RAB36: variants seen among roughly 807,000 people sequenced by gnomAD.
RAB36 encodes RAB36, member RAS oncogene family.
In RAB36, 33 loss-of-function variants were observed where a neutral mutation model predicts 39.3. The ratio of observed to expected loss-of-function variants is 0.84; its 90% CI spans 0.64 to 1.12. The LOEUF is 1.12. Ranked by LOEUF, RAB36 falls within the 50% of genes most tolerant of loss-of-function variation. The probability of loss-of-function intolerance (pLI) is 0.00; values close to 1 mark genes in which losing one functional copy is unlikely to be tolerated. For synonymous variants in RAB36, 133 were observed against 140.2 expected, an observed-to-expected ratio of 0.95 and a Z score of 0.36; for missense variants, 308 against 355.3, an observed-to-expected ratio of 0.87 and a Z score of 1.07.
chr22:23,151,150 T>C (rs1431851616), intron 3 of RAB36, among the ~76,000 whole-genome samples: 1 of 152,178 alleles, frequency 6.6e-6, no homozygotes, highest in Non-Finnish European at 1.5e-5. Flanking sequence ...GTTCCCAAAC[T>C]GCACAGAGTG....
intron 6 of RAB36, among the ~76,000 whole-genome samples, chr22:23,157,344 G>T (rs117404768): frequency 1.3e-5 from 2 of 151,416 alleles, no homozygotes; most frequent in Non-Finnish European, 2.9e-5. Context: ...TCCGCCTCCC[G>T]CATTCACAAC....
At chr22:23,167,988 A>G (rs369807828), downstream of RAB36, among the ~76,000 whole-genome samples, 263 of 152,214 alleles carry the variant, frequency 1.7e-3, 2 homozygotes, top group African/African-American at 6.1e-3. Context: ...TTGGGACTAC[A>G]GGAATGAGCC....
At chr22:23,148,860 T>C (rs917827310) in intron 2 of RAB36, among the ~76,000 whole-genome samples, 3 of 152,226 alleles carry the variant, frequency 2.0e-5, no homozygotes, top group African/African-American at 7.2e-5. Flanking sequence ...AGCCAGCTTG[T>C]TCATGGTAGC....
rs374564140 is a variant in RAB36, at chr22:23,161,017, G to A, written c.739+19G>A. The A allele has an allele frequency of 4.3e-5, 69 of 1,586,344 alleles. No individual in the cohort carries two copies. The African/African-American group carries it at 8.6e-4, about 20-fold the overall frequency. On this transcript the variant is annotated intron_variant, in intron 10 of 10. Coordinates refer to ENST00000263116, the MANE Select transcript of RAB36 (RefSeq NM_004914.5). ...CTAATCCGTGAGTATAGGTGTGACT[G>A]GGTTGGGCTGGGGAGTAGGCTGGAG...
At chr22:23,149,459 T>C in intron 2 of RAB36, among the ~76,000 whole-genome samples, 1 of 152,118 alleles carries the variant, frequency 6.6e-6, no homozygotes, top group East Asian at 1.9e-4. Flanking sequence ...CCAAGAAACG[T>C]GGACAGCAGA....
chr22:23,146,740 TC>T, intron 2 of RAB36, 55 bp downstream of exon 2: 1 of 1,599,980 alleles, frequency 6.3e-7, no homozygotes. Flanking sequence ...ACATCAGCTC[TC>T]CCCACTCTAC....
chr22:23,161,889 A>C lies in RAB36; in HGVS notation c.*325A>C. The C allele has an allele frequency of 2.8e-6, 1 of 351,390 alleles. No homozygotes were observed. Among genetic ancestry groups the C allele is most frequent in the East Asian group, 6.8e-5 (1 of 14,636 alleles). 21.8% of individuals were successfully genotyped at this position (351,390 alleles called of 1,614,324 possible). A position where few individuals can be genotyped will look rare whatever the true frequency, so the allele number is the denominator to read the frequency against. On this transcript the variant is annotated 3_prime_UTR_variant, in exon 11 of 11. Coordinates refer to ENST00000263116, the MANE Select transcript of RAB36 (RefSeq NM_004914.5). ...CACCTTTGGCCTCAAGAGGCCTCAGAACTGCAAACTCCTGCGTCGGTCTAT... is the reference window on the plus strand; with the variant it reads ...CACCTTTGGCCTCAAGAGGCCTCAGCACTGCAAACTCCTGCGTCGGTCTAT...
At position 23,150,275 on chromosome 22, in the gene RAB36, G is replaced by GAGC. The variant is rs2071034049; in HGVS notation, c.161+122_161+123insGCA. On this transcript the variant is annotated intron_variant, in intron 3 of 10. Transcript: ENST00000263116. Reference sequence around the variant, plus strand: ...GGCTGGTGCAGCCCTGTACAGGCCTGAAGATGACTGGGGTTTTCTTTTTTT... The same window carrying GAGC: ...GGCTGGTGCAGCCCTGTACAGGCCTGAGCAAGATGACTGGGGTTTTCTTTTTTT... The GAGC allele has an allele frequency of 5.6e-6, 4 of 718,730 alleles. No individual in the cohort carries two copies. In the South Asian group the frequency reaches 6.6e-5, roughly 12 times the overall value. 44.5% of individuals were successfully genotyped at this position (718,730 alleles called of 1,614,324 possible).
At chr22:23,168,399 T>C (rs183327633), downstream of RAB36, among the ~76,000 whole-genome samples, 1 of 152,020 alleles carries the variant, frequency 6.6e-6, no homozygotes, top group East Asian at 1.9e-4. Flanking sequence ...TGTGGGGGGT[T>C]TCAGAGGAAG....
rs1389937632 is a variant in RAB36 at position 23,156,052 on chromosome 22, G to A, written c.394+20G>A. 1.7e-5 allele frequency: 28 copies of A among 1,604,766 alleles called. No homozygotes were observed. Among genetic ancestry groups the A allele is most frequent in the East Asian group, 4.5e-5 (2 of 44,222 alleles). ...CCCAGGGTGAGCAACATGCCACGTCGGGGCTCAACTGCATGCAGCAGCGGG... is the reference window on the plus strand; with the variant it reads ...CCCAGGGTGAGCAACATGCCACGTCAGGGCTCAACTGCATGCAGCAGCGGG... On this transcript the variant is annotated intron_variant, in intron 6 of 10. Coordinates refer to ENST00000263116, the MANE Select transcript of RAB36 (RefSeq NM_004914.5).
rs2071854198 is a variant in RAB36 at position 23,162,308 on chromosome 22, A to C, written c.*744A>C. The C allele has an allele frequency of 7.1e-6, 2 of 280,326 alleles. No individual in the cohort carries two copies. Among genetic ancestry groups the C allele is most frequent in the Non-Finnish European group, 1.4e-5 (2 of 140,664 alleles). The allele number at this position is 280,326 out of a possible 1,614,324, so 17.4% of individuals were successfully genotyped here. On this transcript the variant is annotated 3_prime_UTR_variant, in exon 11 of 11. Transcript: ENST00000263116. ...ACAACCACTCAGGCCTTTCTGGCCC[A>C]CCTGGACAGTGCATTTACCTGTGTG...
upstream of RAB36, chr22:23,145,420 C>A: frequency 6.2e-7 from 1 of 1,610,608 alleles, no homozygotes; most frequent in Non-Finnish European, 8.5e-7. Flanking sequence ...CAGTCCAACG[C>A]AGACCCCGCC....
rs547852373 is a variant in RAB36, at chr22:23,161,605, C to T, written c.*41C>T. 3.0e-5 allele frequency: 45 copies of T among 1,505,288 alleles called. No homozygotes were observed. The highest frequency in any genetic ancestry group is 1.3e-4 in the South Asian group (11 of 85,548). The allele number at this position is 1,505,288 out of a possible 1,614,324, so 93.2% of individuals were successfully genotyped here. On this transcript the variant is annotated 3_prime_UTR_variant, in exon 11 of 11. Transcript: ENST00000263116. ...AAGGCCTCCGCTCCCTGCACACACACGGACAGGAATTTCCGTGACTGTGGT... is the reference window on the plus strand; with the variant it reads ...AAGGCCTCCGCTCCCTGCACACACATGGACAGGAATTTCCGTGACTGTGGT...
In RAB36 at chr22:23,150,137, G is replaced by GC. The variant is rs779169394; in HGVS notation, c.144_145insC (p.Asn49GlnfsTer35). 11 of 1,612,238 alleles carry GC rather than the reference G, an allele frequency of 6.8e-6. No individual in the cohort carries two copies. The South Asian group carries it at 1.2e-4, about 18-fold the overall frequency. ...AGGTCAGCGCTGCCTGCCAACGCAG[G>GC]AACACGGGGACTGTCGGGTGAGCCT... On this transcript the variant is annotated frameshift_variant, in exon 3 of 11. Transcript: ENST00000263116. LOFTEE classifies it high-confidence loss of function.
intron 1 of RAB36, among the ~76,000 whole-genome samples, chr22:23,145,803 G>T (rs1315456333): frequency 1.3e-5 from 2 of 152,268 alleles, no homozygotes; most frequent in African/African-American, 4.8e-5. Context: ...CCCCAGCCCA[G>T]CCTGGAGAGG....
intron 6 of RAB36, among the ~76,000 whole-genome samples, chr22:23,157,210 G>A (rs1213203342): frequency 6.6e-6 from 1 of 151,872 alleles, no homozygotes; most frequent in Non-Finnish European, 1.5e-5. Context: ...CATCACTGCT[G>A]TAGCTGCTGT....
rs1358098202 is a variant in RAB36, at chr22:23,162,563, CCTG to C, written c.*1001_*1003del. ...CATGTTCCTGTCTCCAACACCGCCT[CCTG>C]CACATGCAGAGCAGACAGAAATACC... On this transcript the variant is annotated 3_prime_UTR_variant, in exon 11 of 11. Transcript: ENST00000263116. 6.7e-6 allele frequency: 3 copies of C among 446,662 alleles called. No individual in the cohort carries two copies. The highest frequency in any genetic ancestry group is 9.1e-6 in the Non-Finnish European group (2 of 219,798). 27.7% of individuals were successfully genotyped at this position (446,662 alleles called of 1,614,324 possible).
downstream of RAB36, among the ~76,000 whole-genome samples, chr22:23,166,173 A>G (rs1274975401): frequency 6.9e-6 from 1 of 145,620 alleles, no homozygotes; most frequent in Non-Finnish European, 1.5e-5. Context: ...AAAAAAAAAA[A>G]AAAAGGAGTG....
chr22:23,158,641 G>A (rs774809744), intron 7 of RAB36, among the ~76,000 whole-genome samples: 34 of 152,248 alleles, frequency 2.2e-4, no homozygotes, highest in Non-Finnish European at 4.0e-4. Context: ...AGGTCTCACC[G>A]GGAGAGGCCA....
Sources: allele counts gnomAD v4.1 joint callset (sites outside exome capture counted in the v4.1 genomes callset), GRCh38; gene constraint gnomAD v4.1.1; transcripts MANE v1.5; gene names NCBI Gene and HGNC (gene_info 2026-07-23, HGNC 2026-07-21).